Variants in TNFSF15 observed in about 807,000 individuals in gnomAD.
The protein encoded by TNFSF15 is tumor necrosis factor ligand superfamily member 15.
TNFSF15 carries 15 observed loss-of-function variants against 26.4 expected under a neutral mutation model. The observed-to-expected ratio is 0.57, with a 90% CI of 0.38 to 0.87. The LOEUF is 0.87. TNFSF15 is among the 40% of genes least tolerant of loss of function. TNFSF15 has a pLI of 0.00. For synonymous variants in TNFSF15, 116 were observed against 115.0 expected, an observed-to-expected ratio of 1.01 and a Z score of -0.06; for missense variants, 290 against 306.1, an observed-to-expected ratio of 0.95 and a Z score of 0.39.
intron 3 of TNFSF15, chr9:114,791,832 A>G (rs941941025): frequency 5.9e-6 from 1 of 168,200 alleles, no homozygotes; most frequent in African/African-American, 2.4e-5. Flanking sequence ...CTGAAGGTAA[A>G]TGTTTAGTTA....
intron 1 of TNFSF15, among the ~76,000 whole-genome samples, chr9:114,800,317 T>C (rs1446976794): frequency 6.6e-6 from 1 of 152,062 alleles, no homozygotes; most frequent in Non-Finnish European, 1.5e-5. Context: ...CCTCCCTCCA[T>C]CCAGAAAACA....
chr9:114,796,703 C>T (rs1829677245), intron 1 of TNFSF15, among the ~76,000 whole-genome samples: 1 of 152,174 alleles, frequency 6.6e-6, no homozygotes, highest in African/African-American at 2.4e-5. Flanking sequence ...CCTCAATACC[C>T]TGCATCTGTG....
intron 1 of TNFSF15, among the ~76,000 whole-genome samples, chr9:114,802,676 G>C (rs1401294638): frequency 6.6e-6 from 1 of 152,206 alleles, no homozygotes; most frequent in Admixed American, 6.5e-5. Flanking sequence ...CTAGATGGGT[G>C]ACTCTGTGGG....
At chr9:114,791,186 C>G (rs942990904) in intron 3 of TNFSF15, 2 of 566,104 alleles carry the variant, frequency 3.5e-6, no homozygotes, top group African/African-American at 3.8e-5. Context: ...GACCTATGAT[C>G]CTGGAGAACA....
intron 1 of TNFSF15, among the ~76,000 whole-genome samples, chr9:114,796,098 C>T (rs1829669777): frequency 6.6e-6 from 1 of 152,182 alleles, no homozygotes; most frequent in African/African-American, 2.4e-5. Flanking sequence ...TCTCGATTAC[C>T]AGACCTGAAA....
chr9:114,789,575 A>C lies in TNFSF15; in HGVS notation c.*877T>G, dbSNP rs1829560433. 6.6e-6 allele frequency: 1 copy of C among 152,262 alleles called. No individual in the cohort carries two copies. Among genetic ancestry groups the C allele is most frequent in the African/African-American group, 2.4e-5 (1 of 41,426 alleles). The allele number at this position is 152,262 out of a possible 1,614,324, so 9.4% of individuals were successfully genotyped here. On this transcript the variant is annotated 3_prime_UTR_variant, in exon 4 of 4. Transcript: ENST00000374045. ...ATGATCCACCCACCTTGGCCTCCCA[A>C]AGTGTTGGGATTACAGGTGTGAGCC...
chr9:114,803,383 G>A (rs1200588422), intron 1 of TNFSF15, among the ~76,000 whole-genome samples: 2 of 152,140 alleles, frequency 1.3e-5, no homozygotes, highest in African/African-American at 4.8e-5. Context: ...CCCCTTCAGA[G>A]AAAAGGAAAA....
At chr9:114,792,617 C>T in intron 2 of TNFSF15, 163 bp from the exon 3 acceptor site, 1 of 1,465,676 alleles carries the variant, frequency 6.8e-7, no homozygotes, top group Non-Finnish European at 9.1e-7. Flanking sequence ...AATGTGGCAC[C>T]CGCAGCAAGC....
intron 1 of TNFSF15, among the ~76,000 whole-genome samples, chr9:114,798,641 T>C (rs144255092): frequency 1.3e-5 from 2 of 152,260 alleles, no homozygotes; most frequent in Non-Finnish European, 2.9e-5. Flanking sequence ...GTCAAGCAAC[T>C]GTCCAAGGTC....
At chr9:114,795,364 T>C (rs1469809156) in intron 1 of TNFSF15, among the ~76,000 whole-genome samples, 2 of 152,184 alleles carry the variant, frequency 1.3e-5, no homozygotes, top group African/African-American at 4.8e-5. Context: ...TGTGAGTGTA[T>C]AGTCAGGTTC....
At chr9:114,805,645 A>AACCTCTCCAC (rs1564348447) in intron 1 of TNFSF15, among the ~76,000 whole-genome samples, 158 bp downstream of exon 1, 1 of 152,198 alleles carries the variant, frequency 6.6e-6, no homozygotes, top group Non-Finnish European at 1.5e-5. Context: ...CACCAAATTG[A>AACCTCTCCAC]ACCTCTCCAC....
intron 1 of TNFSF15, among the ~76,000 whole-genome samples, chr9:114,803,277 C>T (rs1786242839): frequency 6.6e-6 from 1 of 152,172 alleles, no homozygotes; most frequent in African/African-American, 2.4e-5. Flanking sequence ...CACGTCACAG[C>T]CACCATGTGC....
intron 1 of TNFSF15, among the ~76,000 whole-genome samples, chr9:114,794,702 A>G (rs1228275869): frequency 6.6e-6 from 1 of 152,236 alleles, no homozygotes. Flanking sequence ...TGGCATAAAA[A>G]ATGAAATCAC....
rs1047949711 is a variant in TNFSF15, at chr9:114,787,080, A to G, written c.*3372T>C. The G allele has an allele frequency of 1.3e-5, 2 of 152,212 alleles. No homozygotes were observed. Among genetic ancestry groups the G allele is most frequent in the African/African-American group, 4.8e-5 (2 of 41,452 alleles). The allele number at this position is 152,212 out of a possible 1,614,324, so 9.4% of individuals were successfully genotyped here. On this transcript the variant is annotated 3_prime_UTR_variant, in exon 4 of 4. Transcript: ENST00000374045. The stretch of plus-strand genomic sequence containing the variant: ...CAGATTTTCAAAGCATTTCTGGGTC[A>G]TCCATAAAATTCTAATATTTTTAAG...
At chr9:114,799,215 C>T (rs907646374) in intron 1 of TNFSF15, among the ~76,000 whole-genome samples, 1 of 152,176 alleles carries the variant, frequency 6.6e-6, no homozygotes, top group Non-Finnish European at 1.5e-5. Flanking sequence ...TTTCCTGGTG[C>T]TCTGATTGTG....
At position 114,787,300 on chromosome 9, in the gene TNFSF15, T is replaced by C. The variant is rs1201514485; in HGVS notation, c.*3152A>G. ...TTGTTAGTCATCAGCCTTAATCAAA[T>C]GGCATCCATTTTCATAATGAGAATA... On this transcript the variant is annotated 3_prime_UTR_variant, in exon 4 of 4. Transcript: ENST00000374045. 1.3e-5 allele frequency: 2 copies of C among 152,236 alleles called. No homozygotes were observed. Among genetic ancestry groups the C allele is most frequent in the African/African-American group, 4.8e-5 (2 of 41,462 alleles). 9.4% of individuals were successfully genotyped at this position (152,236 alleles called of 1,614,324 possible). A position where few individuals can be genotyped will look rare whatever the true frequency, so the allele number is the denominator to read the frequency against.
At chr9:114,795,208 T>C (rs1829658949) in intron 1 of TNFSF15, among the ~76,000 whole-genome samples, 2 of 152,222 alleles carry the variant, frequency 1.3e-5, no homozygotes, top group African/African-American at 2.4e-5. Flanking sequence ...ACAAAATTTA[T>C]GATATTAAAA....
intron 3 of TNFSF15, 46 bp from the exon 4 acceptor site, chr9:114,790,952 A>G (rs1829588491): frequency 6.3e-7 from 1 of 1,592,220 alleles, no homozygotes; most frequent in Non-Finnish European, 8.6e-7. Context: ...GGGAAACTGT[A>G]GACTTTGCTT....
intron 1 of TNFSF15, among the ~76,000 whole-genome samples, chr9:114,800,996 G>A (rs539536136): frequency 6.6e-6 from 1 of 152,324 alleles, no homozygotes; most frequent in African/African-American, 2.4e-5. Flanking sequence ...GAGGCATGAA[G>A]TGAGGTTGGA....
Sources: gnomAD v4.1 joint callset for allele counts (sites outside exome capture counted in the v4.1 genomes callset) on GRCh38, gnomAD v4.1.1 for gene constraint, MANE v1.5 for transcripts, NCBI Gene and HGNC (gene_info 2026-07-23, HGNC 2026-07-21) for gene names.